Variants in CYP24A1 observed in about 807,000 individuals in gnomAD.
CYP24A1 encodes the protein 1,25-dihydroxyvitamin D(3) 24-hydroxylase, mitochondrial.
A neutral mutation model predicts 62.4 loss-of-function variants in CYP24A1; 68 were observed. That is an observed-to-expected ratio of 1.09 (90% CI 0.90 to 1.33). The LOEUF (loss-of-function observed/expected upper bound fraction) is 1.33, where lower values mean the gene tolerates loss of function less well. Ranked by LOEUF, CYP24A1 falls within the 40% of genes most tolerant of loss-of-function variation. The pLI is 0.00. For missense variants in CYP24A1, 787 were observed against 653.0 expected (o/e 1.21, Z -2.24); for synonymous variants, 267 against 253.0 (o/e 1.06, Z -0.52).
chr20:54,169,578 T>C lies in CYP24A1; in HGVS notation c.640+14A>G, dbSNP rs2092686629. 1 of 1,614,106 alleles carries C rather than the reference T, an allele frequency of 6.2e-7. No homozygotes were observed. The highest frequency in any genetic ancestry group is 8.5e-7 in the Non-Finnish European group (1 of 1,179,990). ...CCTGCAAAATCAGTGAGCAAGTCTG[T>C]GACGACAACTTACTTTCAAACGACC... On this transcript the variant is annotated intron_variant, in intron 4 of 11. Transcript: ENST00000216862.
At chr20:54,150,236 C>T (rs2092610508), downstream of CYP24A1, among the ~76,000 whole-genome samples, 1 of 152,222 alleles carries the variant, frequency 6.6e-6, no homozygotes, top group Non-Finnish European at 1.5e-5. Flanking sequence ...CTCTGGTTGA[C>T]TTTCAAACCT....
At chr20:54,164,668 A>G in intron 5 of CYP24A1, 105 bp from the exon 6 acceptor site, 6 of 1,592,416 alleles carry the variant, frequency 3.8e-6, no homozygotes, top group Non-Finnish European at 3.4e-6. Flanking sequence ...TGCACTTTTT[A>G]AAAGGCTGGA....
chr20:54,162,847 T>C lies in CYP24A1; in HGVS notation c.860A>G (p.Asp287Gly), dbSNP rs1601134142. Residue 287 changes from aspartate (D) to glycine (G), a missense_variant, in exon 7 of 12, where the codon GAC (aspartate) becomes GGC (glycine). Asp to Gly is a moderately conservative substitution (Grantham distance 94, BLOSUM62 -1). Coordinates refer to ENST00000216862, the MANE Select transcript of CYP24A1 (RefSeq NM_000782.5). ...TIFKSVKACI[D>G]NRLEKYSQQP... ...CTGAGAATACTTCTCTAACCGGTTG[T>C]CGATACAAGCTTTGACTATTAGAGC... 6.3e-7 allele frequency: 1 copy of C among 1,577,548 alleles called. No homozygotes were observed.
rs1386524964 is a variant in CYP24A1 at position 54,165,793 on chromosome 20, GA to G, written c.680del (p.Leu227ProfsTer10). On this transcript the variant is annotated frameshift_variant, in exon 5 of 12. Transcript: ENST00000216862. LOFTEE classifies it high-confidence loss of function. ...LVLYEKRFGL[L>X]QKNAGDEAVN... is the part of the protein sequence containing the mutation. ...CAGCTTCATCCCCTGCATTCTTCTG[GA>G]GAAGCCCAAATCTCTTCTCATACAA... is the stretch of plus-strand genomic sequence containing the variant. 1 of 1,537,408 alleles carries G rather than the reference GA, an allele frequency of 6.5e-7. No individual in the cohort carries two copies. Among genetic ancestry groups the G allele is most frequent in the South Asian group, 1.1e-5 (1 of 89,594 alleles).
chr20:54,173,204 C>G lies in CYP24A1; in HGVS notation c.259-105G>C, dbSNP rs2248137. On this transcript the variant is annotated intron_variant, in intron 1 of 11. Transcript: ENST00000216862. This position sits in a 1 kb window ranked among gnomAD's most constrained non-coding sequence, Gnocchi z 7.2. ...TCCTCCTAGGGGACCGGGGACCCTC[C>G]CTGCCCAGACGCCGAAGCGCACCAT... The G allele has an allele frequency of 0.42, 635,544 of 1,522,238 alleles. 137,756 individuals are homozygous for G. The highest frequency in any genetic ancestry group is 0.71 in the African/African-American group (51,921 of 73,432). The allele number at this position is 1,522,238 out of a possible 1,614,324, so 94.3% of individuals were successfully genotyped here.
chr20:54,161,353 A>C lies in CYP24A1; in HGVS notation c.990+1364T>G, dbSNP rs2092649584. 4.0e-5 allele frequency among the ~76,000 whole-genome samples: 6 copies of C among 151,362 alleles called. No homozygotes were observed. In the South Asian group the frequency reaches 1.3e-3, roughly 32 times the overall value. On this transcript the variant is annotated intron_variant, in intron 7 of 11. Transcript: ENST00000216862. ...AATCATCTCCATCTCTCTATATTAC[A>C]CCATCCTGATGGCGTCCTCCACAAT...
At chr20:54,164,641 T>G (rs2092664707) in intron 5 of CYP24A1, 78 bp from the exon 6 acceptor site, 10 of 1,611,602 alleles carry the variant, frequency 6.2e-6, no homozygotes, top group Admixed American at 3.3e-5. Context: ...AGAGGAACAT[T>G]CTAAACCGCA....
chr20:54,173,250 G>C lies in CYP24A1; in HGVS notation c.258+72C>G. On this transcript the variant is annotated intron_variant, in intron 1 of 11. Transcript: ENST00000216862. The surrounding 1 kb of genome is among the most constrained non-coding windows in gnomAD (Gnocchi z 7.2). The stretch of plus-strand genomic sequence containing the variant: ...ACCATGCGCCCGAGGCGCGCATGTC[G>C]GGGAGGGTTTGGAGCGCCACTGGGA... 2 of 1,530,884 alleles carry C rather than the reference G, an allele frequency of 1.3e-6. No individual in the cohort carries two copies. The highest frequency in any genetic ancestry group is 9.0e-7 in the Non-Finnish European group (1 of 1,110,392). 94.8% of individuals were successfully genotyped at this position (1,530,884 alleles called of 1,614,324 possible).
chr20:54,168,869 TC>T (rs1447631530), intron 4 of CYP24A1, among the ~76,000 whole-genome samples: 1 of 45,886 alleles, frequency 2.2e-5, no homozygotes, highest in Non-Finnish European at 4.5e-5. Flanking sequence ...CTTCCTTCCT[TC>T]CTTCCTTCCT....
intron 7 of CYP24A1, among the ~76,000 whole-genome samples, chr20:54,161,839 C>T (rs1188352822): frequency 1.3e-5 from 2 of 152,140 alleles, no homozygotes; most frequent in Non-Finnish European, 2.9e-5. Context: ...AGAGAAAACC[C>T]TACCTTTACT....
the CYP24A1 span, among the ~76,000 whole-genome samples, chr20:54,147,028 G>C: frequency 6.6e-6 from 1 of 152,206 alleles, no homozygotes; most frequent in Non-Finnish European, 1.5e-5. Flanking sequence ...CTGAATACTT[G>C]CTGATAGATT....
intron 4 of CYP24A1, among the ~76,000 whole-genome samples, chr20:54,166,287 A>G (rs2092671717): frequency 6.6e-6 from 1 of 152,228 alleles, no homozygotes; most frequent in Non-Finnish European, 1.5e-5. Context: ...CACGCCAGGT[A>G]CTGGGCTAGC....
intron 6 of CYP24A1, among the ~76,000 whole-genome samples, chr20:54,163,497 T>A (rs1411980664): frequency 6.6e-6 from 1 of 152,210 alleles, no homozygotes; most frequent in African/African-American, 2.4e-5. Context: ...AGAGTTCGAG[T>A]CCTGGAAGCT....
At chr20:54,171,734 C>T (rs1294438531) in intron 2 of CYP24A1, 64 bp from the exon 3 acceptor site, 2 of 1,613,528 alleles carry the variant, frequency 1.2e-6, no homozygotes, top group Non-Finnish European at 8.5e-7. Context: ...TGCAGAAATA[C>T]TCCAGCTGCA....
downstream of CYP24A1, among the ~76,000 whole-genome samples, chr20:54,150,206 G>T (rs1053696216): frequency 2.0e-5 from 3 of 152,108 alleles, no homozygotes; most frequent in African/African-American, 7.2e-5. Flanking sequence ...AAAGTTTACC[G>T]TAACTCTAAG....
chr20:54,159,808 C>T (rs964290129), intron 7 of CYP24A1, among the ~76,000 whole-genome samples: 1 of 152,138 alleles, frequency 6.6e-6, no homozygotes. Flanking sequence ...AACGTTTTCT[C>T]GTTAGACAGG....
At chr20:54,155,883 C>T (rs915013774) in intron 11 of CYP24A1, among the ~76,000 whole-genome samples, 20 of 151,282 alleles carry the variant, frequency 1.3e-4, no homozygotes, top group East Asian at 2.0e-4. Context: ...TTACTCAGGA[C>T]GAGGCCAACA....
chr20:54,156,728 C>A (rs2092629297), intron 11 of CYP24A1, among the ~76,000 whole-genome samples: 1 of 152,322 alleles, frequency 6.6e-6, no homozygotes, highest in South Asian at 2.1e-4. Context: ...AGGACATCAG[C>A]TCACTCATTA....
chr20:54,171,576 C>A lies in CYP24A1; in HGVS notation c.543+1G>T. 2 of 1,613,908 alleles carry A rather than the reference C, an allele frequency of 1.2e-6. No individual in the cohort carries two copies. The highest frequency in any genetic ancestry group is 1.1e-5 in the South Asian group (1 of 91,070). On this transcript the variant is annotated splice_donor_variant, in intron 3 of 11. Coordinates refer to ENST00000216862, the MANE Select transcript of CYP24A1 (RefSeq NM_000782.5). LOFTEE classifies it high-confidence loss of function. Reference sequence around the variant, plus strand: ...AGGAAAGCTGGCCCCAGCCTGCAGACCTCATTGATTTTGTTGTCCAGCTTC... The same window carrying A: ...AGGAAAGCTGGCCCCAGCCTGCAGAACTCATTGATTTTGTTGTCCAGCTTC...
Sources: allele counts gnomAD v4.1 joint callset (sites outside exome capture counted in the v4.1 genomes callset), GRCh38; gene constraint gnomAD v4.1.1; non-coding constraint Gnocchi (gnomAD v3.1); transcripts MANE v1.5; gene names NCBI Gene and HGNC (gene_info 2026-07-23, HGNC 2026-07-21).